The following CAMK2D variants were observed in gnomAD, a reference collection of about 807,000 sequenced individuals.
CAMK2D encodes the protein calcium/calmodulin-dependent protein kinase type II subunit delta.
In CAMK2D, 37 loss-of-function variants were observed where a neutral mutation model predicts 84.0. The ratio of observed to expected loss-of-function variants is 0.44; its 90% CI spans 0.34 to 0.58. The LOEUF (loss-of-function observed/expected upper bound fraction) is 0.58, where lower values mean the gene tolerates loss of function less well. Ranked by LOEUF, CAMK2D falls within the 20% of genes least tolerant of loss-of-function variation. The pLI is 0.02. For synonymous variants in CAMK2D, 202 were observed against 212.5 expected, an observed-to-expected ratio of 0.95 and a Z score of 0.43; for missense variants, 448 against 652.5, an observed-to-expected ratio of 0.69 and a Z score of 3.41.
intron 17 of CAMK2D, among the ~76,000 whole-genome samples, chr4:113,465,128 G>A (rs1437424721): frequency 6.6e-6 from 1 of 152,104 alleles, no homozygotes; most frequent in Non-Finnish European, 1.5e-5. Flanking sequence ...GACCTCCTGG[G>A]CTTAGGTGAT....
intron 2 of CAMK2D, among the ~76,000 whole-genome samples, chr4:113,699,873 C>G (rs1270148403): frequency 1.3e-5 from 2 of 152,092 alleles, no homozygotes; most frequent in African/African-American, 4.8e-5. Context: ...TAGAAAACTA[C>G]TAGGTACTTT....
chr4:113,465,178 G>A (rs569783031), intron 17 of CAMK2D, among the ~76,000 whole-genome samples: 4 of 152,216 alleles, frequency 2.6e-5, no homozygotes, highest in South Asian at 2.1e-4. Context: ...GACTACAGGT[G>A]TGCACCACTA....
At chr4:113,510,314 A>G (rs948886578) in intron 12 of CAMK2D, among the ~76,000 whole-genome samples, 1 of 152,220 alleles carries the variant, frequency 6.6e-6, no homozygotes, top group Non-Finnish European at 1.5e-5. Flanking sequence ...ATACATTAAA[A>G]TCAGAATACA....
chr4:113,624,643 G>A (rs2099060187), intron 3 of CAMK2D, among the ~76,000 whole-genome samples: 1 of 152,158 alleles, frequency 6.6e-6, no homozygotes, highest in African/African-American at 2.4e-5. Flanking sequence ...ATCTGGTGGT[G>A]TATTTCTGGT....
At chr4:113,575,930 G>T (rs2098779631) in intron 4 of CAMK2D, among the ~76,000 whole-genome samples, 1 of 152,034 alleles carries the variant, frequency 6.6e-6, no homozygotes, top group Non-Finnish European at 1.5e-5. Context: ...GGAATTTGAA[G>T]CATAAACTAT....
At chr4:113,630,132 C>A (rs1376673196) in intron 3 of CAMK2D, among the ~76,000 whole-genome samples, 5 of 152,008 alleles carry the variant, frequency 3.3e-5, no homozygotes, top group Non-Finnish European at 7.4e-5. Context: ...AAAATGAATG[C>A]GTAGTTATTT....
intron 2 of CAMK2D, among the ~76,000 whole-genome samples, chr4:113,710,137 C>A (rs1022570567): frequency 3.3e-5 from 5 of 151,906 alleles, no homozygotes; most frequent in Admixed American, 2.0e-4. Context: ...ACAAGACTTA[C>A]ATATTTGTGA....
chr4:113,646,748 C>T (rs982126936), intron 3 of CAMK2D, among the ~76,000 whole-genome samples: 2 of 152,210 alleles, frequency 1.3e-5, no homozygotes, highest in Non-Finnish European at 2.9e-5. Context: ...GAAGGCCTTG[C>T]AAGCCTTGCA....
chr4:113,523,582 G>A (rs1015574547), intron 8 of CAMK2D, among the ~76,000 whole-genome samples: 12 of 151,946 alleles, frequency 7.9e-5, no homozygotes, highest in African/African-American at 2.9e-4. Context: ...AGACCAGCCT[G>A]GGCAACATGG....
chr4:113,546,540 T>C (rs1321291509), intron 6 of CAMK2D, among the ~76,000 whole-genome samples: 1 of 152,226 alleles, frequency 6.6e-6, no homozygotes, highest in Non-Finnish European at 1.5e-5. Flanking sequence ...TTTAGAGATA[T>C]AGTCTTCTAG....
intron 16 of CAMK2D, among the ~76,000 whole-genome samples, chr4:113,482,768 C>T (rs1010657308): frequency 1.3e-5 from 2 of 152,130 alleles, no homozygotes; most frequent in African/African-American, 4.8e-5. Context: ...AATCAAACAT[C>T]CAAAGGTATT....
At chr4:113,726,241 T>A (rs547496262) in intron 2 of CAMK2D, among the ~76,000 whole-genome samples, 1 of 152,226 alleles carries the variant, frequency 6.6e-6, no homozygotes, top group South Asian at 2.1e-4. Flanking sequence ...ACTGGAAAAT[T>A]CAAGTCCCAA....
chr4:113,505,068 C>A, intron 13 of CAMK2D, 33 bp from the exon 14 acceptor site: 1 of 1,362,300 alleles, frequency 7.3e-7, no homozygotes, highest in Admixed American at 1.9e-5. Context: ...AACAGAGATG[C>A]CTTAAACCCC....
rs956085053 is a variant in CAMK2D, at chr4:113,761,263, G to A, written c.-195C>T. 1.4e-6 allele frequency: 2 copies of A among 1,454,704 alleles called. No individual in the cohort carries two copies. The highest frequency in any genetic ancestry group is 1.4e-5 in the South Asian group (1 of 71,338). 90.1% of individuals were successfully genotyped at this position (1,454,704 alleles called of 1,614,324 possible). A position where few individuals can be genotyped will look rare whatever the true frequency, so the allele number is the denominator to read the frequency against. On this transcript the variant is annotated 5_prime_UTR_variant, in exon 1 of 21. Coordinates refer to ENST00000511664, the MANE Select transcript of CAMK2D (RefSeq NM_001321571.2). ...GGAGATGACCAGAAAGGGTGGCGTGGGGTCTCCTCCCCACAGTCCGCCGAT... is the reference window on the plus strand; with the variant it reads ...GGAGATGACCAGAAAGGGTGGCGTGAGGTCTCCTCCCCACAGTCCGCCGAT...
chr4:113,590,258 T>G (rs774460093), intron 4 of CAMK2D, among the ~76,000 whole-genome samples: 1 of 152,176 alleles, frequency 6.6e-6, no homozygotes, highest in Admixed American at 6.5e-5. Context: ...CAAATATAGA[T>G]AGAGATCTAT....
At chr4:113,506,520 G>A (rs963065319) in intron 13 of CAMK2D, among the ~76,000 whole-genome samples, 1 of 152,072 alleles carries the variant, frequency 6.6e-6, no homozygotes, top group Non-Finnish European at 1.5e-5. Flanking sequence ...AAAGAGATAA[G>A]AGGTAAAAAG....
At chr4:113,495,463 C>G (rs930838023) in intron 16 of CAMK2D, among the ~76,000 whole-genome samples, 12 of 152,156 alleles carry the variant, frequency 7.9e-5, no homozygotes, top group Non-Finnish European at 4.4e-5. Context: ...AGAAGGTTTT[C>G]AGTGATCAAA....
intron 2 of CAMK2D, among the ~76,000 whole-genome samples, chr4:113,756,304 T>C (rs536332147): frequency 6.6e-6 from 1 of 152,128 alleles, no homozygotes; most frequent in East Asian, 1.9e-4. Context: ...CCTTTCTTTT[T>C]CAGCTGTAAT....
intron 4 of CAMK2D, among the ~76,000 whole-genome samples, chr4:113,574,384 T>C (rs1047868362): frequency 8.5e-5 from 13 of 152,198 alleles, no homozygotes; most frequent in Admixed American, 7.9e-4. Flanking sequence ...ATTCCATAAA[T>C]AGCATCTAAA....
Sources: gnomAD v4.1 joint callset for allele counts (sites outside exome capture counted in the v4.1 genomes callset) on GRCh38, gnomAD v4.1.1 for gene constraint, MANE v1.5 for transcripts, NCBI Gene and HGNC (gene_info 2026-07-23, HGNC 2026-07-21) for gene names.